IL7: variants seen among roughly 807,000 people sequenced by gnomAD.
The protein encoded by IL7 is interleukin-7.
Under a neutral mutation model 21.6 loss-of-function variants are expected in IL7, and 3 were observed. The observed-to-expected ratio is 0.14, with a 90% CI of 0.06 to 0.36. The LOEUF is 0.36. Among genes scored for constraint, IL7 ranks in the 10% least tolerant of loss-of-function variants. The probability of loss-of-function intolerance (pLI) is 1.00; values close to 1 mark genes in which losing one functional copy is unlikely to be tolerated. For synonymous variants in IL7, 62 were observed against 68.1 expected (o/e 0.91, Z 0.44); for missense variants, 175 against 200.2 (o/e 0.87, Z 0.76).
chr8:78,769,045 G>A (rs1812860008), intron 2 of IL7, among the ~76,000 whole-genome samples: 1 of 152,048 alleles, frequency 6.6e-6, no homozygotes, highest in African/African-American at 2.4e-5. Context: ...AAAATCATAA[G>A]AGCTATCTAT....
intron 2 of IL7, among the ~76,000 whole-genome samples, chr8:78,778,492 A>G (rs891009804): frequency 6.6e-6 from 1 of 152,192 alleles, no homozygotes; most frequent in Non-Finnish European, 1.5e-5. Flanking sequence ...CATTTATTAA[A>G]TAGGGAATCC....
At chr8:78,687,462 TTATATA>T (rs915792673) in intron 3 of IL7, among the ~76,000 whole-genome samples, 1 of 145,698 alleles carries the variant, frequency 6.9e-6, no homozygotes, top group Non-Finnish European at 1.5e-5. Context: ...ATATACATAA[TTATATA>T]TATATTTATA....
intron 5 of IL7, chr8:78,719,219 GTT>G (rs902335921): frequency 3.0e-5 from 3 of 100,842 alleles, no homozygotes; most frequent in African/African-American, 9.1e-5. Flanking sequence ...ACTGAGCACT[GTT>G]TTTTTGTCAA....
intron 3 of IL7, among the ~76,000 whole-genome samples, chr8:78,707,701 C>A (rs1810818943): frequency 6.6e-6 from 1 of 152,076 alleles, no homozygotes; most frequent in Admixed American, 6.5e-5. Flanking sequence ...AAGATCCTTG[C>A]AGATTAAAGG....
chr8:78,687,251 G>A (rs888592333), intron 3 of IL7, among the ~76,000 whole-genome samples: 3 of 151,780 alleles, frequency 2.0e-5, no homozygotes, highest in Non-Finnish European at 4.4e-5. Flanking sequence ...TAATGTAACA[G>A]GGTAGCCACA....
chr8:78,730,513 C>A (rs1308548439), downstream of IL7, among the ~76,000 whole-genome samples: 3 of 151,900 alleles, frequency 2.0e-5, no homozygotes, highest in Non-Finnish European at 4.4e-5. Flanking sequence ...TGAATGCACC[C>A]AGAATGCATG....
intron 3 of IL7, among the ~76,000 whole-genome samples, chr8:78,688,938 G>C (rs1308551267): frequency 1.3e-5 from 2 of 151,532 alleles, no homozygotes; most frequent in Non-Finnish European, 2.9e-5. Context: ...TTTTTCCTCT[G>C]CTTACTCTTT....
chr8:78,754,133 GTA>G (rs1234578016), intron 2 of IL7, among the ~76,000 whole-genome samples: 1 of 152,138 alleles, frequency 6.6e-6, no homozygotes, highest in Admixed American at 6.6e-5. Flanking sequence ...TGATGTGATT[GTA>G]TATTTAGAAA....
chr8:78,763,257 T>C (rs1034065957), intron 2 of IL7, among the ~76,000 whole-genome samples: 3 of 152,238 alleles, frequency 2.0e-5, no homozygotes, highest in African/African-American at 7.2e-5. Context: ...TTATTCTTAA[T>C]TGATATAAAA....
At chr8:78,762,364 GA>G (rs1812595269) in intron 2 of IL7, 1 of 1,612,690 alleles carries the variant, frequency 6.2e-7, no homozygotes, top group African/African-American at 1.3e-5. Context: ...GGAAGCTGAA[GA>G]AGGCCAAGTC....
Position 78,761,094 on chromosome 8 carries a change from C to T in IL7, c.148-21012G>A, listed in dbSNP as rs1812539187. ...CTATTTATACCATCTAAACATAAAA[C>T]AAGTGCTTGCAGGAGTTCCACTAAA... On this transcript the variant is annotated intron_variant, in intron 2 of 5. Transcript: ENST00000263851. The T allele has an allele frequency of 2.5e-6, 4 of 1,599,090 alleles. No homozygotes were observed. In the African/African-American group the frequency reaches 5.4e-5, roughly 22 times the overall value.
intron 2 of IL7, among the ~76,000 whole-genome samples, chr8:78,771,735 A>G (rs1586090325): frequency 1.3e-5 from 2 of 152,124 alleles, no homozygotes; most frequent in African/African-American, 4.8e-5. Flanking sequence ...ATACTTACAC[A>G]TGCTGAGGAA....
intron 2 of IL7, among the ~76,000 whole-genome samples, chr8:78,792,635 A>C (rs1438787058): frequency 2.0e-5 from 3 of 152,142 alleles, no homozygotes; most frequent in Non-Finnish European, 4.4e-5. Context: ...TCTCCAAAAG[A>C]AGATATATAA....
At chr8:78,790,427 A>G (rs1813649727) in intron 2 of IL7, among the ~76,000 whole-genome samples, 1 of 152,202 alleles carries the variant, frequency 6.6e-6, no homozygotes, top group South Asian at 2.1e-4. Flanking sequence ...TGTTAAAAAA[A>G]CAGGCTTCCT....
At chr8:78,778,497 G>A (rs1006776343) in intron 2 of IL7, among the ~76,000 whole-genome samples, 1 of 152,224 alleles carries the variant, frequency 6.6e-6, no homozygotes, top group East Asian at 1.9e-4. Flanking sequence ...ATTAAATAGG[G>A]AATCCTTTCC....
At chr8:78,699,717 G>GTA (rs1377046727) in intron 3 of IL7, among the ~76,000 whole-genome samples, 1 of 152,138 alleles carries the variant, frequency 6.6e-6, no homozygotes, top group Non-Finnish European at 1.5e-5. Context: ...AGAACATGCA[G>GTA]TATTTGGTTT....
At chr8:78,696,023 T>C (rs1302643074) in intron 3 of IL7, among the ~76,000 whole-genome samples, 2 of 152,076 alleles carry the variant, frequency 1.3e-5, no homozygotes, top group Non-Finnish European at 2.9e-5. Flanking sequence ...AAAATGATAA[T>C]TTAAAACCAA....
Position 78,761,519 on chromosome 8 carries a change from G to A in IL7, c.148-21437C>T. The A allele has an allele frequency of 3.1e-6, 5 of 1,611,870 alleles. No homozygotes were observed. The Admixed American group carries it at 5.0e-5, about 16-fold the overall frequency. Reference sequence around the variant, plus strand: ...GTGAAATTTCACAGCCAAAATTTCTGCATCAGCTTCATAAGGCAGGAAGCC... The same window carrying A: ...GTGAAATTTCACAGCCAAAATTTCTACATCAGCTTCATAAGGCAGGAAGCC... On this transcript the variant is annotated intron_variant, in intron 2 of 5. Coordinates refer to ENST00000263851, the MANE Select transcript of IL7 (RefSeq NM_000880.4).
At chr8:78,790,125 G>T (rs1050709391) in intron 2 of IL7, among the ~76,000 whole-genome samples, 10 of 152,106 alleles carry the variant, frequency 6.6e-5, no homozygotes, top group African/African-American at 2.2e-4. Flanking sequence ...TATTATAACC[G>T]ATTAGTCATT....
Sources: allele counts gnomAD v4.1 joint callset (sites outside exome capture counted in the v4.1 genomes callset), GRCh38; gene constraint gnomAD v4.1.1; transcripts MANE v1.5; gene names NCBI Gene and HGNC (gene_info 2026-07-23, HGNC 2026-07-21).